KIAA0319: variants seen among roughly 807,000 people sequenced by gnomAD.
KIAA0319 encodes KIAA0319, also known as dyslexia-associated protein KIAA0319.
A neutral mutation model predicts 108.4 loss-of-function variants in KIAA0319; 83 were observed. The ratio of observed to expected loss-of-function variants is 0.77; its 90% CI spans 0.64 to 0.92. KIAA0319 has a LOEUF of 0.92. Ranked by LOEUF, KIAA0319 falls within the 40% of genes least tolerant of loss-of-function variation. KIAA0319 has a pLI of 0.00. For missense variants in KIAA0319, 1,195 were observed against 1,322.4 expected, an observed-to-expected ratio of 0.90 and a Z score of 1.49; for synonymous variants, 484 against 510.4, an observed-to-expected ratio of 0.95 and a Z score of 0.70.
intron 3 of KIAA0319, among the ~76,000 whole-genome samples, chr6:24,593,664 G>A (rs542893651): frequency 5.3e-5 from 8 of 151,238 alleles, no homozygotes; most frequent in Non-Finnish European, 1.2e-4. Context: ...GCCTCCCAAA[G>A]TGCTGGGATT....
chr6:24,643,771 C>G (rs938499865), intron 1 of KIAA0319, among the ~76,000 whole-genome samples: 3 of 152,156 alleles, frequency 2.0e-5, no homozygotes, highest in Admixed American at 2.0e-4. Flanking sequence ...TAAAACATGC[C>G]AGGCAATGAG....
chr6:24,634,401 G>A (rs561458123), intron 1 of KIAA0319, among the ~76,000 whole-genome samples: 23 of 152,246 alleles, frequency 1.5e-4, no homozygotes, highest in Admixed American at 7.9e-4. Context: ...GACCCATAAT[G>A]GGTGACAAAA....
At chr6:24,613,257 C>A (rs888644482) in intron 1 of KIAA0319, among the ~76,000 whole-genome samples, 4 of 151,978 alleles carry the variant, frequency 2.6e-5, no homozygotes, top group Non-Finnish European at 5.9e-5. Flanking sequence ...AGGGAATCTG[C>A]GCGTAACACA....
chr6:24,569,782 G>T, intron 12 of KIAA0319, 121 bp downstream of exon 12: 1 of 1,158,454 alleles, frequency 8.6e-7, no homozygotes, highest in Non-Finnish European at 1.2e-6. Flanking sequence ...TTCTAGAAAC[G>T]TGCTTAAATC....
At chr6:24,593,717 T>C (rs1768918007) in intron 3 of KIAA0319, among the ~76,000 whole-genome samples, 1 of 151,888 alleles carries the variant, frequency 6.6e-6, no homozygotes, top group Admixed American at 6.6e-5. Flanking sequence ...AATTATCTTT[T>C]AACAAAACCA....
At chr6:24,585,895 G>A (rs1767406405) in intron 4 of KIAA0319, among the ~76,000 whole-genome samples, 1 of 152,032 alleles carries the variant, frequency 6.6e-6, no homozygotes, top group Non-Finnish European at 1.5e-5. Context: ...TCAAGACCAG[G>A]CTGGCCAACA....
At chr6:24,564,411 T>C (rs1339370052) in intron 14 of KIAA0319, 71 bp from the exon 15 acceptor site, 2 of 1,587,116 alleles carry the variant, frequency 1.3e-6, no homozygotes, top group Non-Finnish European at 1.7e-6. Flanking sequence ...CTGTTGATCC[T>C]AAACCTCAGT....
At chr6:24,634,285 C>T (rs1775934517) in intron 1 of KIAA0319, among the ~76,000 whole-genome samples, 1 of 152,168 alleles carries the variant, frequency 6.6e-6, no homozygotes, top group Non-Finnish European at 1.5e-5. Context: ...ACAAGCACAC[C>T]TCGAAACACA....
At chr6:24,586,258 A>G (rs573014638) in intron 4 of KIAA0319, among the ~76,000 whole-genome samples, 5 of 152,324 alleles carry the variant, frequency 3.3e-5, no homozygotes, top group African/African-American at 1.2e-4. Context: ...AAACTAGAAT[A>G]TGCCATTGCA....
Position 24,545,850 on chromosome 6 carries a change from A to T in KIAA0319, c.*1315T>A, listed in dbSNP as rs1459564390. ...GCATTCCTAGTTTTCCCATGTGTTA[A>T]AAAAGCATTGTGCAACAGGATATTG... On this transcript the variant is annotated 3_prime_UTR_variant, in exon 21 of 21. Transcript: ENST00000378214. The T allele has an allele frequency of 6.6e-6, 1 of 152,218 alleles. No individual in the cohort carries two copies. Among genetic ancestry groups the T allele is most frequent in the Non-Finnish European group, 1.5e-5 (1 of 68,040 alleles). The allele number at this position is 152,218 out of a possible 1,614,324, so 9.4% of individuals were successfully genotyped here. A position where few individuals can be genotyped will look rare whatever the true frequency, so the allele number is the denominator to read the frequency against.
intron 1 of KIAA0319, among the ~76,000 whole-genome samples, chr6:24,632,639 C>T (rs936343310): frequency 2.0e-5 from 3 of 152,254 alleles, no homozygotes; most frequent in Non-Finnish European, 2.9e-5. Context: ...ACCTACAAAA[C>T]GGTCTCAAAC....
At chr6:24,572,811 T>G in intron 10 of KIAA0319, 113 bp from the exon 11 acceptor site, 1 of 1,091,074 alleles carries the variant, frequency 9.2e-7, no homozygotes, top group Non-Finnish European at 1.3e-6. Context: ...TACAGAGATC[T>G]TGCTCAAAAA....
At chr6:24,540,696 A>G (rs1376566287), downstream of KIAA0319, among the ~76,000 whole-genome samples, 1 of 150,986 alleles carries the variant, frequency 6.6e-6, no homozygotes, top group Non-Finnish European at 1.5e-5. Flanking sequence ...TTTTAATGGA[A>G]ATGCTTATTT....
intron 20 of KIAA0319, among the ~76,000 whole-genome samples, chr6:24,550,572 AG>A (rs1382149031): frequency 1.3e-5 from 2 of 152,356 alleles, no homozygotes; most frequent in East Asian, 3.9e-4. Flanking sequence ...CACTTTGTGA[AG>A]AAAGTCAATT....
chr6:24,568,336 C>G (rs1764185297), intron 13 of KIAA0319, among the ~76,000 whole-genome samples: 1 of 152,240 alleles, frequency 6.6e-6, no homozygotes, highest in Non-Finnish European at 1.5e-5. Context: ...AGCAAAGACA[C>G]TCAGGCAGTT....
chr6:24,602,474 T>A (rs1479099931), intron 1 of KIAA0319, among the ~76,000 whole-genome samples: 5 of 152,112 alleles, frequency 3.3e-5, no homozygotes, highest in African/African-American at 1.2e-4. Flanking sequence ...TGGAAGAGCA[T>A]CCCAAACACA....
downstream of KIAA0319, among the ~76,000 whole-genome samples, chr6:24,541,292 T>G (rs1350357378): frequency 6.6e-6 from 1 of 152,192 alleles, no homozygotes; most frequent in African/African-American, 2.4e-5. Context: ...CCCATGATCT[T>G]TCCTCTGTGC....
At chr6:24,640,164 T>C (rs924947478) in intron 1 of KIAA0319, among the ~76,000 whole-genome samples, 1 of 152,298 alleles carries the variant, frequency 6.6e-6, no homozygotes, top group African/African-American at 2.4e-5. Flanking sequence ...ACTTTCAATT[T>C]TTTAAAGTAA....
chr6:24,642,927 C>G (rs897475870), intron 1 of KIAA0319, among the ~76,000 whole-genome samples: 1 of 152,098 alleles, frequency 6.6e-6, no homozygotes, highest in Non-Finnish European at 1.5e-5. Flanking sequence ...AGGCTGGTCT[C>G]GAACTCCTGA....
Sources: allele counts gnomAD v4.1 joint callset (sites outside exome capture counted in the v4.1 genomes callset), GRCh38; gene constraint gnomAD v4.1.1; transcripts MANE v1.5; gene names NCBI Gene and HGNC (gene_info 2026-07-23, HGNC 2026-07-21).